CSPP1: variants seen among roughly 807,000 people sequenced by gnomAD.
The protein encoded by CSPP1 is centrosome and spindle pole-associated protein 1.
A neutral mutation model predicts 164.4 loss-of-function variants in CSPP1; 126 were observed. That is an observed-to-expected ratio of 0.77 (90% CI 0.66 to 0.89). The LOEUF (loss-of-function observed/expected upper bound fraction) is 0.89, where lower values mean the gene tolerates loss of function less well. CSPP1 is among the 40% of genes least tolerant of loss of function. The probability of loss-of-function intolerance (pLI) is 0.00; values close to 1 mark genes in which losing one functional copy is unlikely to be tolerated. For missense variants in CSPP1, 1,395 were observed against 1,449.8 expected (o/e 0.96, Z 0.61); for synonymous variants, 472 against 476.7 (o/e 0.99, Z 0.13).
intron 28 of CSPP1, among the ~76,000 whole-genome samples, chr8:67,187,539 G>T (rs1191592049): frequency 1.3e-5 from 2 of 151,936 alleles, no homozygotes; most frequent in African/African-American, 2.4e-5. Flanking sequence ...TTTTAAATTA[G>T]CCGATGTGGT....
chr8:67,153,278 A>C (rs1248372386), intron 18 of CSPP1, among the ~76,000 whole-genome samples: 1 of 152,160 alleles, frequency 6.6e-6, no homozygotes, highest in Non-Finnish European at 1.5e-5. Context: ...TAATATAAAA[A>C]GTTATGTGAG....
At position 67,154,089 on chromosome 8, in the gene CSPP1, C is replaced by T. The variant is rs2129559060; in HGVS notation, c.2194C>T (p.Leu732Phe). ...TGTATTTGGTGAGCCTCCAACTGAA[C>T]TTCAGATTAAACAGCAAGAATTATA... ...GNVFGEPPTE[L>F]QIKQQELYKN... The change falls in exon 19 of 31, where the codon CTT (leucine) becomes TTT (phenylalanine). Residue 732 changes from leucine (L) to phenylalanine (F), a missense_variant. Physicochemically the swap from Leu to Phe is conservative, Grantham distance 22. Coordinates refer to ENST00000678616, the MANE Select transcript of CSPP1 (RefSeq NM_001382391.1). The T allele has an allele frequency of 1.2e-6, 2 of 1,603,094 alleles. No homozygotes were observed. Among genetic ancestry groups the T allele is most frequent in the Non-Finnish European group, 1.7e-6 (2 of 1,170,596 alleles).
At chr8:67,164,311 A>G in intron 23 of CSPP1, 80 bp from the exon 24 acceptor site, 3 of 698,162 alleles carry the variant, frequency 4.3e-6, no homozygotes, top group Non-Finnish European at 7.7e-6. Flanking sequence ...TCACTTTATT[A>G]TTAGTCAGGT....
chr8:67,158,458 G>C lies in CSPP1; in HGVS notation c.2253G>C (p.Lys751Asn). The change falls in exon 20 of 31, where the codon AAG becomes AAC. Residue 751 changes from lysine to asparagine, a missense_variant. By Grantham distance (94) the Lys-to-Asn change is moderately conservative. Transcript: ENST00000678616. ...KNFLRFQIEE[K>N]KQREEAERER... ...GTTTAATTCTTTAGATTGAGGAAAA[G>C]AAACAAAGAGAGGAAGCAGAGCGAG... The C allele has an allele frequency of 1.3e-6, 2 of 1,597,738 alleles. No homozygotes were observed. The highest frequency in any genetic ancestry group is 1.7e-6 in the Non-Finnish European group (2 of 1,173,750).
chr8:67,113,758 A>G (rs375723985), intron 10 of CSPP1, 47 bp from the exon 11 acceptor site: 5 of 945,980 alleles, frequency 5.3e-6, no homozygotes, highest in Non-Finnish European at 8.1e-6. Context: ...TATAATTTTG[A>G]TAGTTTACTA....
At position 67,105,927 on chromosome 8, in the gene CSPP1, A is replaced by G. The variant is rs1015990468; in HGVS notation, c.1045A>G (p.Lys349Glu). The change falls in exon 9 of 31, where the codon AAA becomes GAA. Residue 349 changes from lysine (K) to glutamate (E), a missense_variant. Physicochemically the swap from Lys to Glu is moderately conservative, Grantham distance 56 (BLOSUM62 1). Transcript: ENST00000678616. The part of the protein sequence containing the change: ...NKSAPDNETS[K>E]SANQDTCSPF... ...TAGTGCTCCAGACAATGAAACATCC[A>G]AATCTGCTAATCAAGATACCTGTAG... 4 of 1,589,696 alleles carry G rather than the reference A, an allele frequency of 2.5e-6. No individual in the cohort carries two copies. In the African/African-American group the frequency reaches 5.4e-5, roughly 21 times the overall value.
intron 7 of CSPP1, among the ~76,000 whole-genome samples, chr8:67,096,285 G>A (rs1444551270): frequency 6.6e-6 from 1 of 152,160 alleles, no homozygotes; most frequent in Non-Finnish European, 1.5e-5. Flanking sequence ...ATTAAAATGT[G>A]GCCAGGCATG....
chr8:67,171,437 G>T (rs915500802), intron 24 of CSPP1, among the ~76,000 whole-genome samples: 1 of 152,050 alleles, frequency 6.6e-6, no homozygotes, highest in Non-Finnish European at 1.5e-5. Context: ...TGTCCAGGCT[G>T]GAGTGCAGTG....
rs2129538438 is a variant in CSPP1, at chr8:67,064,483, G to A, written c.-66G>A. 1.2e-6 allele frequency: 2 copies of A among 1,613,886 alleles called. No homozygotes were observed. The highest frequency in any genetic ancestry group is 1.7e-6 in the Non-Finnish European group (2 of 1,179,918). The stretch of plus-strand genomic sequence containing the variant: ...GCACTGTGTGTCTCCCCGGACGCGA[G>A]CCCGCTCCCCTGAGTAAGAGTCAGC... On this transcript the variant is annotated 5_prime_UTR_variant, in exon 1 of 31. Coordinates refer to ENST00000678616, the MANE Select transcript of CSPP1 (RefSeq NM_001382391.1).
intron 15 of CSPP1, among the ~76,000 whole-genome samples, chr8:67,125,329 T>C (rs751238940): frequency 2.6e-5 from 4 of 152,252 alleles, no homozygotes; most frequent in Non-Finnish European, 4.4e-5. Context: ...CTGTTAATCT[T>C]ACTGAGGATC....
chr8:67,170,158 A>G (rs879604187), intron 24 of CSPP1, among the ~76,000 whole-genome samples: 1 of 151,630 alleles, frequency 6.6e-6, no homozygotes, highest in Non-Finnish European at 1.5e-5. Context: ...ATTTATCTCA[A>G]TTCTGACCGG....
intron 25 of CSPP1, 105 bp from the exon 26 acceptor site, chr8:67,175,191 C>T: frequency 2.5e-6 from 2 of 804,372 alleles, no homozygotes; most frequent in Non-Finnish European, 4.1e-6. Context: ...CTATCATTTC[C>T]TTGATTTTGA....
At chr8:67,082,791 T>C (rs766183396) in intron 3 of CSPP1, among the ~76,000 whole-genome samples, 1 of 152,226 alleles carries the variant, frequency 6.6e-6, no homozygotes, top group Non-Finnish European at 1.5e-5. Flanking sequence ...TTCTGAAGCA[T>C]AATGTTAACT....
intron 1 of CSPP1, among the ~76,000 whole-genome samples, chr8:67,070,450 G>A (rs1297892740): frequency 2.1e-5 from 3 of 144,292 alleles, no homozygotes; most frequent in Non-Finnish European, 4.5e-5. Flanking sequence ...GTGACAGAGC[G>A]AGACTCCATC....
intron 28 of CSPP1, among the ~76,000 whole-genome samples, chr8:67,189,905 A>C (rs186530735): frequency 1.3e-5 from 2 of 152,294 alleles, no homozygotes; most frequent in Non-Finnish European, 2.9e-5. Context: ...GTCCATGTCA[A>C]ATTAGCTACC....
chr8:67,163,589 A>C, intron 22 of CSPP1, 143 bp from the exon 23 acceptor site: 2 of 597,188 alleles, frequency 3.3e-6, no homozygotes, highest in South Asian at 2.1e-5. Context: ...TACCTTGGGT[A>C]GAGTATAGCT....
At chr8:67,136,300 G>GA (rs1822248468) in intron 16 of CSPP1, among the ~76,000 whole-genome samples, 1 of 152,034 alleles carries the variant, frequency 6.6e-6, no homozygotes, top group Admixed American at 6.6e-5. Context: ...GGCCAGGCGT[G>GA]GTGGCTCACG....
At chr8:67,192,951 T>C (rs1836799628) in intron 29 of CSPP1, among the ~76,000 whole-genome samples, 2 of 152,244 alleles carry the variant, frequency 1.3e-5, no homozygotes, top group Non-Finnish European at 2.9e-5. Context: ...TCAAGCTTTA[T>C]CCTGACTGGC....
intron 13 of CSPP1, 79 bp downstream of exon 13, chr8:67,116,201 G>A (rs1197895748): frequency 2.1e-5 from 21 of 982,884 alleles, no homozygotes; most frequent in African/African-American, 8.0e-5. Context: ...ATACTGAAGC[G>A]GATGACGTTA....
Sources: allele counts gnomAD v4.1 joint callset (sites outside exome capture counted in the v4.1 genomes callset), GRCh38; gene constraint gnomAD v4.1.1; transcripts MANE v1.5; gene names NCBI Gene and HGNC (gene_info 2026-07-23, HGNC 2026-07-21).